The following RBFOX1 variants were observed in gnomAD, a reference collection of about 807,000 sequenced individuals.
RBFOX1 encodes the protein RNA binding fox-1 homolog 1.
Under a neutral mutation model 57.7 loss-of-function variants are expected in RBFOX1, and 8 were observed. That is an observed-to-expected ratio of 0.14 (90% CI 0.08 to 0.25). The LOEUF is 0.25. Ranked by LOEUF, RBFOX1 falls within the 10% of genes least tolerant of loss-of-function variation. The pLI is 1.00. For missense variants in RBFOX1, 611 were observed against 548.5 expected (o/e 1.11, Z -1.14); for synonymous variants, 326 against 222.4 (o/e 1.47, Z -4.15).
chr16:7,487,965 A>T (rs920537560), intron 4 of RBFOX1, among the ~76,000 whole-genome samples: 1 of 152,012 alleles, frequency 6.6e-6, no homozygotes, highest in South Asian at 2.1e-4. Context: ...TTTTTTTTCC[A>T]GGGCCTCTTT....
intron 4 of RBFOX1, among the ~76,000 whole-genome samples, chr16:7,458,216 T>A (rs911798723): frequency 1.1e-4 from 17 of 152,184 alleles, no homozygotes; most frequent in Non-Finnish European, 2.2e-4. Context: ...CTTGTCTCTC[T>A]GGAGCCCTAA....
chr16:7,509,150 C>A (rs990023615), intron 4 of RBFOX1, among the ~76,000 whole-genome samples: 1 of 152,134 alleles, frequency 6.6e-6, no homozygotes, highest in Non-Finnish European at 1.5e-5. Flanking sequence ...AAACGATAAG[C>A]CATGAAAAGA....
chr16:5,242,627 CT>C (rs2062195939), intron 1 of RBFOX1, among the ~76,000 whole-genome samples: 1 of 152,142 alleles, frequency 6.6e-6, no homozygotes, highest in South Asian at 2.1e-4. Context: ...ACAGAGTGCC[CT>C]TTTATGAGAT....
At chr16:7,537,861 C>T (rs2081920940) in intron 5 of RBFOX1, among the ~76,000 whole-genome samples, 1 of 152,210 alleles carries the variant, frequency 6.6e-6, no homozygotes, top group Non-Finnish European at 1.5e-5. Context: ...AATTAATTTC[C>T]ATCATACATA....
At chr16:6,324,522 G>A (rs1183210271) in intron 2 of RBFOX1, among the ~76,000 whole-genome samples, 1 of 152,192 alleles carries the variant, frequency 6.6e-6, no homozygotes, top group Non-Finnish European at 1.5e-5. Context: ...CATGGCCAGA[G>A]CAGGAACAAG....
chr16:6,908,694 G>A (rs566829692), intron 3 of RBFOX1, among the ~76,000 whole-genome samples: 1 of 152,050 alleles, frequency 6.6e-6, no homozygotes, highest in Non-Finnish European at 1.5e-5. Context: ...TTGGGATGAC[G>A]AGGGCAGGCT....
chr16:7,071,347 G>C (rs943543579), intron 4 of RBFOX1, among the ~76,000 whole-genome samples: 7 of 152,066 alleles, frequency 4.6e-5, no homozygotes, highest in Admixed American at 4.6e-4. Context: ...AAGAAAATGC[G>C]ATTTGTTAGT....
intron 2 of RBFOX1, among the ~76,000 whole-genome samples, chr16:6,542,206 G>T (rs780820822): frequency 6.6e-6 from 1 of 152,110 alleles, no homozygotes; most frequent in Non-Finnish European, 1.5e-5. Flanking sequence ...GATTACAGGT[G>T]TGAGCTACTT....
chr16:5,949,525 CA>C lies in RBFOX1; in HGVS notation c.351+82210del, dbSNP rs59221283. Among the ~76,000 whole-genome samples, 173 of 32,294 alleles carry C rather than the reference CA, an allele frequency of 5.4e-3. No homozygotes were observed. The Middle Eastern group carries it at 0.076, about 14-fold the overall frequency. The allele number at this position is 32,294 out of a possible 152,430, so 21.2% of individuals were successfully genotyped here. ...TGGGTGGCAGTGCGAGAGTCCATCT[CA>C]AAAAAAAAAAAAAAAAAAAGAAAAG... On this transcript the variant is annotated intron_variant, in intron 4 of 19. Transcript: ENST00000641259.
chr16:7,380,971 G>A (rs777162138), intron 4 of RBFOX1, among the ~76,000 whole-genome samples: 10 of 152,234 alleles, frequency 6.6e-5, no homozygotes, highest in Non-Finnish European at 1.2e-4. Flanking sequence ...AGAGTTCTCA[G>A]TGAAAGTAGA....
At chr16:7,258,495 C>A (rs145156761) in intron 4 of RBFOX1, among the ~76,000 whole-genome samples, 1 of 151,952 alleles carries the variant, frequency 6.6e-6, no homozygotes, top group Non-Finnish European at 1.5e-5. Context: ...AGGGGGGAGG[C>A]GAATTACTGC....
intron 1 of RBFOX1, among the ~76,000 whole-genome samples, chr16:6,189,682 G>A (rs2097129817): frequency 6.6e-6 from 1 of 152,286 alleles, no homozygotes; most frequent in Non-Finnish European, 1.5e-5. Context: ...TTCACCTGTT[G>A]TCTCTCTCCA....
intron 2 of RBFOX1, among the ~76,000 whole-genome samples, chr16:6,554,769 CAAAGGT>C (rs2097063942): frequency 6.7e-6 from 1 of 150,274 alleles, no homozygotes; most frequent in African/African-American, 2.5e-5. Flanking sequence ...GACACACACA[CAAAGGT>C]ACACAGACAC....
intron 1 of RBFOX1, chr16:5,270,575 T>C: frequency 3.4e-6 from 2 of 584,932 alleles, no homozygotes; most frequent in Admixed American, 2.3e-5. Context: ...TGGTTACTTC[T>C]TTCATCTGTT....
intron 4 of RBFOX1, among the ~76,000 whole-genome samples, chr16:7,294,203 A>T (rs2095847498): frequency 6.6e-6 from 1 of 151,992 alleles, no homozygotes; most frequent in Non-Finnish European, 1.5e-5. Context: ...AGAAATCACC[A>T]CTTAGCTGTT....
intron 2 of RBFOX1, among the ~76,000 whole-genome samples, chr16:6,343,091 G>A (rs2152830469): frequency 6.6e-6 from 1 of 152,176 alleles, no homozygotes; most frequent in Middle Eastern, 3.4e-3. Flanking sequence ...ATTTAAAGTG[G>A]GCAGATGGAA....
Position 6,456,261 on chromosome 16 carries a change from AGTGT to A in RBFOX1, c.-64+139211_-64+139214del, listed in dbSNP as rs946359284. 2.0e-5 allele frequency among the ~76,000 whole-genome samples: 3 copies of A among 152,136 alleles called. No homozygotes were observed. The South Asian group carries it at 6.2e-4, about 32-fold the overall frequency. On this transcript the variant is annotated intron_variant, in intron 2 of 15. Transcript: ENST00000550418. The stretch of plus-strand genomic sequence containing the variant: ...GTATTTTTAGAAAAGAACATGGATT[AGTGT>A]GTGTGTATGTGTGTGCGTGTGTAAG...
chr16:6,223,698 T>C lies in RBFOX1; in HGVS notation c.-126-93297T>C, dbSNP rs547899689. Among the ~76,000 whole-genome samples the C allele has an allele frequency of 2.0e-5, 3 of 152,328 alleles. 1 individual carries two copies. The East Asian group carries it at 5.8e-4, about 29-fold the overall frequency. ...TTTCCTTTGCTATGCAGAAGCTCTT[T>C]AGTTTAATTAGATCCCATTTGTCAA... On this transcript the variant is annotated intron_variant, in intron 1 of 15. Transcript: ENST00000550418.
chr16:7,686,248 T>C (rs2076040236), intron 14 of RBFOX1, among the ~76,000 whole-genome samples: 1 of 152,070 alleles, frequency 6.6e-6, no homozygotes, highest in South Asian at 2.1e-4. Flanking sequence ...AATTTTTGAC[T>C]AAATACATTT....
Sources: allele counts gnomAD v4.1 joint callset (sites outside exome capture counted in the v4.1 genomes callset), GRCh38; gene constraint gnomAD v4.1.1; transcripts MANE v1.5; gene names NCBI Gene and HGNC (gene_info 2026-07-23, HGNC 2026-07-21).